DOCK5: variants seen among roughly 807,000 people sequenced by gnomAD.
DOCK5 encodes the protein dedicator of cytokinesis protein 5.
A neutral mutation model predicts 251.8 loss-of-function variants in DOCK5; 142 were observed. The ratio of observed to expected loss-of-function variants is 0.56; its 90% CI spans 0.49 to 0.65. DOCK5 has a LOEUF of 0.65. Among genes scored for constraint, DOCK5 ranks in the 30% least tolerant of loss-of-function variants. The pLI, the probability that DOCK5 is intolerant of heterozygous loss-of-function variation, is 0.00. For missense variants in DOCK5, 2,111 were observed against 2,312.3 expected, an observed-to-expected ratio of 0.91 and a Z score of 1.79; for synonymous variants, 842 against 835.5, an observed-to-expected ratio of 1.01 and a Z score of -0.13.
intron 49 of DOCK5, 45 bp downstream of exon 49, chr8:25,408,199 C>T (rs1341713067): frequency 1.3e-6 from 2 of 1,529,532 alleles, no homozygotes; most frequent in East Asian, 2.4e-5. Context: ...AGGCTTGCCC[C>T]CCTCTCCCCT....
At chr8:25,373,062 C>T (rs1440111765) in intron 35 of DOCK5, among the ~76,000 whole-genome samples, 6 of 148,066 alleles carry the variant, frequency 4.1e-5, no homozygotes, top group Non-Finnish European at 8.9e-5. Flanking sequence ...TGCAGTGGTG[C>T]GATCTCAGCT....
chr8:25,367,084 G>A (rs112285926), intron 31 of DOCK5, 114 bp downstream of exon 31: 2 of 904,780 alleles, frequency 2.2e-6, no homozygotes, highest in East Asian at 2.7e-5. Flanking sequence ...CATGTTGTTA[G>A]TGAGGTAAGT....
At position 25,413,772 on chromosome 8, in the gene DOCK5, C is replaced by G. The variant is rs562947165; in HGVS notation, c.*2474C>G. 7.6e-4 allele frequency: 116 copies of G among 152,298 alleles called. 1 individual carries two copies. Among genetic ancestry groups the G allele is most frequent in the African/African-American group, 2.7e-3 (113 of 41,556 alleles). The allele number at this position is 152,298 out of a possible 1,614,324, so 9.4% of individuals were successfully genotyped here. ...CTTTCCACCTTAATGGAAATAATAGCTCTCTCCTGCCTGAACAAAAGGGAT... is the reference window on the plus strand; with the variant it reads ...CTTTCCACCTTAATGGAAATAATAGGTCTCTCCTGCCTGAACAAAAGGGAT... On this transcript the variant is annotated 3_prime_UTR_variant, in exon 52 of 52. Coordinates refer to ENST00000276440, the MANE Select transcript of DOCK5 (RefSeq NM_024940.8).
rs1017016346 is a variant in DOCK5 at position 25,298,948 on chromosome 8, T to A, written c.611T>A (p.Ile204Asn). Residue 204 changes from isoleucine to asparagine, a missense_variant, in exon 8 of 52, where the codon ATC (isoleucine) becomes AAC (asparagine). Transcript: ENST00000276440. ...CTCTGTTCCCTCTTTGTTCAGTCAA[T>A]CCTGCAGAACCTCGATTTGCGGGGC... ...IEEKIQEEKS[I>N]LQNLDLRGQS... The A allele has an allele frequency of 1.2e-6, 2 of 1,610,416 alleles. No homozygotes were observed. The highest frequency in any genetic ancestry group is 8.5e-7 in the Non-Finnish European group (1 of 1,178,808).
chr8:25,286,292 A>G (rs1166286875), intron 5 of DOCK5, among the ~76,000 whole-genome samples: 3 of 152,202 alleles, frequency 2.0e-5, no homozygotes, highest in Non-Finnish European at 4.4e-5. Context: ...TGTGCAAGCA[A>G]GTGAGATGAT....
chr8:25,399,984 T>C lies in DOCK5; in HGVS notation c.4778T>C (p.Ile1593Thr). Residue 1593 changes from isoleucine (I) to threonine (T), a missense_variant, in exon 46 of 52, where the codon ATA becomes ACA. By Grantham distance (89) the Ile-to-Thr change is moderately conservative (BLOSUM62 -1). Around this residue, in one of 3 missense-constraint regions of DOCK5, gnomAD observed 1,717 missense variants for 1,892.4 expected, o/e 0.91. Transcript: ENST00000276440. ...AAGGTTGAGCTGCTAAAGCGACTAA[T>C]AGCATTACAGGTACAGGACGGCTTT... ...QEKVELLKRL[I>T]ALQMPLLTEG... 3 of 1,613,520 alleles carry C rather than the reference T, an allele frequency of 1.9e-6. No homozygotes were observed. Among genetic ancestry groups the C allele is most frequent in the Non-Finnish European group, 2.5e-6 (3 of 1,179,702 alleles).
At position 25,412,078 on chromosome 8, in the gene DOCK5, C is replaced by CTTTTTTTTTTTTT. The variant is rs56131241; in HGVS notation, c.*791_*803dup. The CTTTTTTTTTTTTT allele has an allele frequency of 7.2e-5, 6 of 82,878 alleles. No homozygotes were observed. The highest frequency in any genetic ancestry group is 4.6e-4 in the East Asian group (1 of 2,152). The allele number at this position is 82,878 out of a possible 1,614,324, so 5.1% of individuals were successfully genotyped here. A position where few individuals can be genotyped will look rare whatever the true frequency, so the allele number is the denominator to read the frequency against. On this transcript the variant is annotated 3_prime_UTR_variant, in exon 52 of 52. Transcript: ENST00000276440. ...GAAGCTCTTCCTTTTGCACATACGG[C>CTTTTTTTTTTTTT]TTTTTTTTTTTTTTTTTTTTTTTGT...
intron 1 of DOCK5, among the ~76,000 whole-genome samples, chr8:25,240,845 G>A (rs902555677): frequency 2.0e-5 from 3 of 152,164 alleles, no homozygotes; most frequent in African/African-American, 4.8e-5. Context: ...GGAGATGGGA[G>A]TTAGGAAGTC....
intron 2 of DOCK5, among the ~76,000 whole-genome samples, chr8:25,254,101 G>A (rs1803348309): frequency 6.6e-6 from 1 of 152,184 alleles, no homozygotes; most frequent in Non-Finnish European, 1.5e-5. Flanking sequence ...ATAGTCAGCT[G>A]ACCTTTGACA....
At chr8:25,319,511 G>A (rs1805362673) in intron 14 of DOCK5, 67 bp from the exon 15 acceptor site, 1 of 1,088,154 alleles carries the variant, frequency 9.2e-7, no homozygotes, top group Non-Finnish European at 1.4e-6. Context: ...CTTGTGCATG[G>A]TATATGGGGT....
Position 25,193,446 on chromosome 8 carries a change from TAGAAAAATCACC to T in DOCK5, c.43+8498_43+8509del, listed in dbSNP as rs554011619. On this transcript the variant is annotated intron_variant, in intron 1 of 51. Coordinates refer to ENST00000276440, the MANE Select transcript of DOCK5 (RefSeq NM_024940.8). Reference sequence around the variant, plus strand: ...GCACTATGCTTGGGACCATTTTAAATAGAAAAATCACCAGCAAAAAGCACAAAAATGAGGCCA... The same window carrying T: ...GCACTATGCTTGGGACCATTTTAAATAGCAAAAAGCACAAAAATGAGGCCA... Among the ~76,000 whole-genome samples the T allele has an allele frequency of 9.8e-4, 148 of 151,280 alleles. 1 individual carries two copies. The highest frequency in any genetic ancestry group is 1.7e-3 in the Non-Finnish European group (116 of 67,902).
At chr8:25,303,994 G>A (rs1281410111) in intron 10 of DOCK5, among the ~76,000 whole-genome samples, 4 of 152,150 alleles carry the variant, frequency 2.6e-5, no homozygotes, top group Admixed American at 2.0e-4. Flanking sequence ...TTAGCAACTC[G>A]ATCTTGTAGA....
At chr8:25,201,251 G>A (rs1801873229) in intron 1 of DOCK5, among the ~76,000 whole-genome samples, 1 of 152,152 alleles carries the variant, frequency 6.6e-6, no homozygotes, top group Non-Finnish European at 1.5e-5. Flanking sequence ...CTCAGGCTTC[G>A]TCTCCTCTCT....
At position 25,203,982 on chromosome 8, in the gene DOCK5, C is replaced by T. The variant is rs1401275108; in HGVS notation, c.43+19031C>T. Among the ~76,000 whole-genome samples the T allele has an allele frequency of 3.3e-5, 5 of 152,044 alleles. 1 individual carries two copies. Among genetic ancestry groups the T allele is most frequent in the South Asian group, 4.2e-4 (2 of 4,812 alleles). ...ATATCTAAAATGAAACGTGTTCTTT[C>T]GTCTTAGATGTCTTTATCTTCTTGC... is the stretch of plus-strand genomic sequence containing the variant. On this transcript the variant is annotated intron_variant, in intron 1 of 51. Transcript: ENST00000276440.
rs1463734635 is a variant in DOCK5, at chr8:25,413,343, C to A, written c.*2045C>A. ...TAGTTCTGCACATACAGCCCTTCTCCAAATGGTGGTTTCCTTTGAGGTCTT... is the reference window on the plus strand; with the variant it reads ...TAGTTCTGCACATACAGCCCTTCTCAAAATGGTGGTTTCCTTTGAGGTCTT... On this transcript the variant is annotated 3_prime_UTR_variant, in exon 52 of 52. Coordinates refer to ENST00000276440, the MANE Select transcript of DOCK5 (RefSeq NM_024940.8). The A allele has an allele frequency of 6.6e-6, 1 of 152,146 alleles. No homozygotes were observed. The highest frequency in any genetic ancestry group is 1.5e-5 in the Non-Finnish European group (1 of 68,028). The allele number at this position is 152,146 out of a possible 1,614,324, so 9.4% of individuals were successfully genotyped here.
chr8:25,363,068 A>G lies in DOCK5; in HGVS notation c.2971A>G (p.Ile991Val), dbSNP rs1489557315. The G allele has an allele frequency of 6.2e-7, 1 of 1,613,852 alleles. No homozygotes were observed. Among genetic ancestry groups the G allele is most frequent in the African/African-American group, 1.3e-5 (1 of 74,922 alleles). ...GCAGGACTTCCTCATGGAAACTTTTATCATGTTCAAGGACCTGATTGGAAA... is the reference window on the plus strand; with the variant it reads ...GCAGGACTTCCTCATGGAAACTTTTGTCATGTTCAAGGACCTGATTGGAAA... Reference protein sequence around the residue: ...DIIDFLMETFIMFKDLIGKNV... With the variant: ...DIIDFLMETFVMFKDLIGKNV... The change falls in exon 29 of 52, where the codon ATC becomes GTC. Residue 991 changes from isoleucine (I) to valine (V), a missense_variant. By Grantham distance (29) the Ile-to-Val change is conservative. Coordinates refer to ENST00000276440, the MANE Select transcript of DOCK5 (RefSeq NM_024940.8).
At chr8:25,271,997 G>A (rs1803924552) in intron 3 of DOCK5, among the ~76,000 whole-genome samples, 1 of 152,142 alleles carries the variant, frequency 6.6e-6, no homozygotes, top group Non-Finnish European at 1.5e-5. Context: ...ACAAATACAT[G>A]CTATATAACT....
intron 1 of DOCK5, among the ~76,000 whole-genome samples, chr8:25,230,741 C>T (rs1802648122): frequency 6.6e-6 from 1 of 151,976 alleles, no homozygotes; most frequent in Non-Finnish European, 1.5e-5. Flanking sequence ...ACCCCAGTTA[C>T]TTGGGAGGCT....
At chr8:25,243,936 C>G (rs1803026722) in intron 2 of DOCK5, among the ~76,000 whole-genome samples, 179 bp downstream of exon 2, 1 of 152,204 alleles carries the variant, frequency 6.6e-6, no homozygotes, top group African/African-American at 2.4e-5. Flanking sequence ...AAACAGCCAG[C>G]TGAGTACATG....
Sources: allele counts gnomAD v4.1 joint callset (sites outside exome capture counted in the v4.1 genomes callset), GRCh38; gene constraint gnomAD v4.1.1; regional missense constraint gnomAD v4.1.1; transcripts MANE v1.5; gene names NCBI Gene and HGNC (gene_info 2026-07-23, HGNC 2026-07-21).